Variants in STK39 observed in about 807,000 individuals in gnomAD.
STK39 encodes serine/threonine kinase 39, also known as STE20/SPS1-related proline-alanine-rich protein kinase.
STK39 carries 20 observed loss-of-function variants against 77.8 expected under a neutral mutation model. That is an observed-to-expected ratio of 0.26 (90% CI 0.18 to 0.37). The LOEUF (loss-of-function observed/expected upper bound fraction) is 0.37, where lower values mean the gene tolerates loss of function less well. Ranked by LOEUF, STK39 falls within the 10% of genes least tolerant of loss-of-function variation. STK39 has a pLI of 1.00. For synonymous variants in STK39, 246 were observed against 234.1 expected, an observed-to-expected ratio of 1.05 and a Z score of -0.47; for missense variants, 479 against 656.5, an observed-to-expected ratio of 0.73 and a Z score of 2.95.
intron 10 of STK39, among the ~76,000 whole-genome samples, chr2:168,077,365 T>A (rs1272435204): frequency 6.6e-6 from 1 of 152,150 alleles, no homozygotes; most frequent in Non-Finnish European, 1.5e-5. Flanking sequence ...AATCCAACTA[T>A]AAACAATAAA....
intron 7 of STK39, among the ~76,000 whole-genome samples, chr2:168,139,070 C>T (rs377033817): frequency 2.6e-5 from 4 of 152,074 alleles, no homozygotes; most frequent in Non-Finnish European, 5.9e-5. Flanking sequence ...ATAGATGAAG[C>T]GTGAAAGTGA....
intron 1 of STK39, among the ~76,000 whole-genome samples, chr2:168,224,092 T>G (rs1277050118): frequency 6.6e-6 from 1 of 152,116 alleles, no homozygotes; most frequent in Admixed American, 6.5e-5. Flanking sequence ...TATAGTCATA[T>G]GTTCTATATA....
intron 2 of STK39, among the ~76,000 whole-genome samples, chr2:168,170,296 A>G (rs1688792049): frequency 6.6e-6 from 1 of 152,174 alleles, no homozygotes; most frequent in South Asian, 2.1e-4. Context: ...AGGAAAAGAC[A>G]TTCATTACCA....
intron 1 of STK39, among the ~76,000 whole-genome samples, chr2:168,225,728 G>C (rs543299981): frequency 3.5e-4 from 54 of 152,266 alleles, no homozygotes; most frequent in Non-Finnish European, 5.9e-4. Context: ...ACATTTTGCT[G>C]ATTAGGGTGA....
intron 14 of STK39, among the ~76,000 whole-genome samples, chr2:168,017,825 A>G (rs902028733): frequency 6.6e-6 from 1 of 152,210 alleles, no homozygotes; most frequent in Non-Finnish European, 1.5e-5. Context: ...AGCACTACAC[A>G]TTAAATCATG....
chr2:168,053,836 T>C (rs1482006431), intron 14 of STK39, among the ~76,000 whole-genome samples: 1 of 152,154 alleles, frequency 6.6e-6, no homozygotes, highest in Admixed American at 6.5e-5. Flanking sequence ...TCAATAACAT[T>C]GAATTAGTGT....
intron 10 of STK39, among the ~76,000 whole-genome samples, chr2:168,108,980 A>G (rs1189752831): frequency 6.6e-6 from 1 of 152,220 alleles, no homozygotes; most frequent in African/African-American, 2.4e-5. Context: ...CTCAATGTGT[A>G]GGTACTGTTA....
chr2:168,040,433 A>G (rs1685073864), intron 14 of STK39, among the ~76,000 whole-genome samples: 1 of 152,262 alleles, frequency 6.6e-6, no homozygotes, highest in Non-Finnish European at 1.5e-5. Context: ...ATGGGCTTCA[A>G]CAAATGCTTT....
intron 12 of STK39, among the ~76,000 whole-genome samples, chr2:168,066,086 T>A (rs3769420): frequency 0.78 from 118,108 of 152,062 alleles, 46,093 homozygotes; most frequent in Admixed American, 0.83. Flanking sequence ...AACAAAAAGG[T>A]TCTCCTATTT....
At chr2:168,012,028 A>G (rs1684283454) in intron 16 of STK39, among the ~76,000 whole-genome samples, 2 of 152,178 alleles carry the variant, frequency 1.3e-5, no homozygotes, top group African/African-American at 4.8e-5. Flanking sequence ...TTTAGTGCAC[A>G]GAATTGATAG....
intron 2 of STK39, among the ~76,000 whole-genome samples, chr2:168,179,957 A>G (rs1414145558): frequency 1.3e-5 from 2 of 152,246 alleles, no homozygotes; most frequent in East Asian, 1.9e-4. Context: ...CAGAACTGTC[A>G]GGCACAAGTA....
At chr2:168,097,595 C>T (rs1299562079) in intron 10 of STK39, among the ~76,000 whole-genome samples, 3 of 152,132 alleles carry the variant, frequency 2.0e-5, no homozygotes, top group Admixed American at 6.5e-5. Context: ...ATTAGCCGTG[C>T]ATGATGGTGC....
At chr2:168,135,538 G>A (rs1687809324) in intron 8 of STK39, among the ~76,000 whole-genome samples, 1 of 152,188 alleles carries the variant, frequency 6.6e-6, no homozygotes, top group Non-Finnish European at 1.5e-5. Flanking sequence ...AGGGGACAGA[G>A]GAAGGGCAAG....
intron 14 of STK39, among the ~76,000 whole-genome samples, chr2:168,033,675 C>T (rs962684285): frequency 6.6e-6 from 1 of 152,184 alleles, no homozygotes; most frequent in African/African-American, 2.4e-5. Flanking sequence ...TTTCTGACTC[C>T]TTTCCTATCC....
intron 10 of STK39, among the ~76,000 whole-genome samples, chr2:168,128,479 A>T (rs918018471): frequency 6.6e-6 from 1 of 152,148 alleles, no homozygotes; most frequent in African/African-American, 2.4e-5. Context: ...AACTGGGCTC[A>T]TATCTCCAAA....
chr2:168,075,472 A>C (rs1686056240), intron 10 of STK39, among the ~76,000 whole-genome samples: 1 of 152,074 alleles, frequency 6.6e-6, no homozygotes, highest in African/African-American at 2.4e-5. Flanking sequence ...GAAGAACAAA[A>C]TATTTTGGAA....
chr2:168,083,996 T>G (rs1686305070), intron 10 of STK39, among the ~76,000 whole-genome samples: 1 of 151,492 alleles, frequency 6.6e-6, no homozygotes. Flanking sequence ...GATTTTTATG[T>G]GAATGCTCTT....
chr2:168,056,718 G>A (rs1685536675), intron 14 of STK39, among the ~76,000 whole-genome samples: 1 of 152,176 alleles, frequency 6.6e-6, no homozygotes. Flanking sequence ...ATATGTATAT[G>A]TACAAATGCA....
intron 16 of STK39, among the ~76,000 whole-genome samples, chr2:167,974,126 T>C (rs1683198611): frequency 6.6e-6 from 1 of 152,142 alleles, no homozygotes; most frequent in Non-Finnish European, 1.5e-5. Flanking sequence ...TAATAAAAGA[T>C]TTTTGTTTGT....
Sources: gnomAD v4.1 joint callset for allele counts (sites outside exome capture counted in the v4.1 genomes callset) on GRCh38, gnomAD v4.1.1 for gene constraint, MANE v1.5 for transcripts, NCBI Gene and HGNC (gene_info 2026-07-23, HGNC 2026-07-21) for gene names.